The following ANKRD45 variants were observed in gnomAD, a reference collection of about 807,000 sequenced individuals.
ANKRD45 encodes ankyrin repeat domain-containing protein 45.
Under a neutral mutation model 28.1 loss-of-function variants are expected in ANKRD45, and 21 were observed. That is an observed-to-expected ratio of 0.75 (90% CI 0.53 to 1.08). The LOEUF (loss-of-function observed/expected upper bound fraction) is 1.08. ANKRD45 is among the 50% of genes least tolerant of loss of function. ANKRD45 has a pLI of 0.00. For synonymous variants in ANKRD45, 86 were observed against 103.9 expected (o/e 0.83, Z 1.05); for missense variants, 261 against 308.7 (o/e 0.85, Z 1.16).
At chr1:173,667,526 A>C (rs915489832) in intron 1 of ANKRD45, among the ~76,000 whole-genome samples, 1 of 151,884 alleles carries the variant, frequency 6.6e-6, no homozygotes, top group African/African-American at 2.4e-5. Flanking sequence ...ATATGGTGAA[A>C]CCCCGTCTCT....
chr1:173,706,031 G>A, the ANKRD45 span, among the ~76,000 whole-genome samples: 38 of 152,052 alleles, frequency 2.5e-4, no homozygotes, highest in African/African-American at 7.5e-4. Flanking sequence ...CCGGCTGGGC[G>A]CAGTGGCTCA....
At chr1:173,613,730 G>A (rs1168769303) in intron 5 of ANKRD45, among the ~76,000 whole-genome samples, 1 of 152,164 alleles carries the variant, frequency 6.6e-6, no homozygotes, top group East Asian at 1.9e-4. Flanking sequence ...TGGGAAGTGA[G>A]GATCCCCTCT....
At chr1:173,643,911 T>C (rs949628238) in intron 3 of ANKRD45, among the ~76,000 whole-genome samples, 1 of 152,196 alleles carries the variant, frequency 6.6e-6, no homozygotes, top group African/African-American at 2.4e-5. Context: ...GTTTATTTTG[T>C]TCCACTTTCC....
At chr1:173,640,778 T>A (rs1668666630) in intron 3 of ANKRD45, among the ~76,000 whole-genome samples, 1 of 152,182 alleles carries the variant, frequency 6.6e-6, no homozygotes, top group South Asian at 2.1e-4. Flanking sequence ...AGACACCAAT[T>A]GTCTGCTCCT....
chr1:173,635,866 G>T, intron 3 of ANKRD45: 2 of 1,468,516 alleles, frequency 1.4e-6, no homozygotes, highest in Non-Finnish European at 1.8e-6. Context: ...GATACAAGTA[G>T]TAATAGTTAC....
At chr1:173,650,284 T>C (rs1339585476) in intron 2 of ANKRD45, among the ~76,000 whole-genome samples, 5 of 152,192 alleles carry the variant, frequency 3.3e-5, no homozygotes. Context: ...GACCCCGGTG[T>C]GTGATGTTCC....
chr1:173,626,582 C>A (rs1239991388), intron 4 of ANKRD45, among the ~76,000 whole-genome samples: 1 of 152,104 alleles, frequency 6.6e-6, no homozygotes, highest in Non-Finnish European at 1.5e-5. Context: ...CAGAACACTA[C>A]CAGTACTATT....
At chr1:173,687,674 C>G in the ANKRD45 span, among the ~76,000 whole-genome samples, 9 of 152,112 alleles carry the variant, frequency 5.9e-5, no homozygotes, top group African/African-American at 2.2e-4. Flanking sequence ...TCCAAATTAA[C>G]TTAGAATTTG....
intron 3 of ANKRD45, among the ~76,000 whole-genome samples, chr1:173,645,989 G>A (rs1386253060): frequency 1.3e-5 from 2 of 152,160 alleles, no homozygotes; most frequent in Admixed American, 6.5e-5. Context: ...AATATCCAGA[G>A]GGTAGGAACA....
intron 4 of ANKRD45, among the ~76,000 whole-genome samples, chr1:173,625,880 AT>A (rs1319401735): frequency 3.3e-5 from 5 of 152,126 alleles, no homozygotes; most frequent in Non-Finnish European, 7.4e-5. Flanking sequence ...AGGGAAAACT[AT>A]TATGTTTGCT....
At position 173,646,928 on chromosome 1, in the gene ANKRD45, A is replaced by C; in HGVS notation, c.414T>G (p.Ala138=). The change falls in exon 3 of 6, where the codon GCT becomes GCG. Residue 138 remains alanine, a synonymous_variant. Transcript: ENST00000333279. ...GAGCCCTTTCTTCCCGGAAGTTCAAAGCTTCTATATCAACATCCAGTTCTA... is the reference window on the plus strand; with the variant it reads ...GAGCCCTTTCTTCCCGGAAGTTCAACGCTTCTATATCAACATCCAGTTCTA... The part of the protein sequence containing the change: ...ALVELDVDIE[A]LNFREERARD... 2.5e-6 allele frequency: 4 copies of C among 1,614,160 alleles called. No individual in the cohort carries two copies. Among genetic ancestry groups the C allele is most frequent in the Non-Finnish European group, 3.4e-6 (4 of 1,180,026 alleles).
intron 2 of ANKRD45, among the ~76,000 whole-genome samples, chr1:173,656,371 A>G (rs763548492): frequency 6.6e-6 from 1 of 152,162 alleles, no homozygotes; most frequent in Non-Finnish European, 1.5e-5. Flanking sequence ...TGATTGGGAT[A>G]TTGGTCTTAT....
chr1:173,626,812 C>T (rs1010759777), intron 4 of ANKRD45, among the ~76,000 whole-genome samples: 1 of 152,010 alleles, frequency 6.6e-6, no homozygotes, highest in Admixed American at 6.6e-5. Flanking sequence ...AAGATTCAGC[C>T]ATGTTGCTGG....
intron 3 of ANKRD45, among the ~76,000 whole-genome samples, chr1:173,629,316 G>C (rs1218753670): frequency 6.6e-6 from 1 of 152,152 alleles, no homozygotes; most frequent in Admixed American, 6.5e-5. Flanking sequence ...TAAGGCCCCA[G>C]TGATCAATCC....
At chr1:173,669,319 G>C (rs535081697) in intron 1 of ANKRD45, 1 of 412,282 alleles carries the variant, frequency 2.4e-6, no homozygotes, top group East Asian at 7.1e-5. Flanking sequence ...CAAAGGGCAA[G>C]GAGGCAGGCG....
chr1:173,693,623 C>T, the ANKRD45 span, among the ~76,000 whole-genome samples: 1 of 152,152 alleles, frequency 6.6e-6, no homozygotes, highest in Non-Finnish European at 1.5e-5. Flanking sequence ...ATGTGGACAA[C>T]ATAGAATAAA....
chr1:173,707,737 A>G, the ANKRD45 span, among the ~76,000 whole-genome samples: 1 of 152,250 alleles, frequency 6.6e-6, no homozygotes, highest in Admixed American at 6.5e-5. Context: ...TGGGGTATAA[A>G]GAACCAGCCT....
Position 173,669,225 on chromosome 1 carries a change from A to G in ANKRD45, c.-16+592T>C, listed in dbSNP as rs554034751. Among the ~76,000 whole-genome samples, 4 of 152,302 alleles carry G rather than the reference A, an allele frequency of 2.6e-5. No homozygotes were observed. The East Asian group carries it at 7.7e-4, about 29-fold the overall frequency. ...GGTGGCGGTCTCAGAAAGTTTTCCC[A>G]GAAGAGGTGAAACCTCGATAGTGAA... On this transcript the variant is annotated intron_variant, in intron 1 of 5. Transcript: ENST00000333279.
At chr1:173,621,912 T>C (rs1667723313) in intron 5 of ANKRD45, among the ~76,000 whole-genome samples, 1 of 152,176 alleles carries the variant, frequency 6.6e-6, no homozygotes, top group Non-Finnish European at 1.5e-5. Flanking sequence ...GAAATCCTAT[T>C]ATCTCAGCCC....
Sources: allele counts gnomAD v4.1 joint callset (sites outside exome capture counted in the v4.1 genomes callset), GRCh38; gene constraint gnomAD v4.1.1; transcripts MANE v1.5; gene names NCBI Gene and HGNC (gene_info 2026-07-23, HGNC 2026-07-21).